The following RBM34 variants were observed in gnomAD, a reference collection of about 807,000 sequenced individuals.
RBM34 encodes RNA binding motif protein 34.
Under a neutral mutation model 44.6 loss-of-function variants are expected in RBM34, and 39 were observed. The observed-to-expected ratio is 0.87, with a 90% CI of 0.68 to 1.14. The LOEUF is 1.14. Among genes scored for constraint, RBM34 ranks in the 50% most tolerant of loss-of-function variants. The pLI, the probability that RBM34 is intolerant of heterozygous loss-of-function variation, is 0.00. For synonymous variants in RBM34, 194 were observed against 184.0 expected (o/e 1.05, Z -0.44); for missense variants, 572 against 517.9 (o/e 1.10, Z -1.01).
intron 3 of RBM34, among the ~76,000 whole-genome samples, chr1:235,157,302 G>C (rs1185285181): frequency 6.6e-6 from 1 of 152,132 alleles, no homozygotes; most frequent in Non-Finnish European, 1.5e-5. Context: ...AGGAGGTGAA[G>C]ACGAAAAGGC....
chr1:235,152,682 A>C (rs1662213792), intron 5 of RBM34, 24 bp downstream of exon 5: 2 of 1,595,182 alleles, frequency 1.3e-6, no homozygotes, highest in Non-Finnish European at 1.7e-6. Context: ...ATATTATGTA[A>C]TTTTACGGGG....
At chr1:235,133,743 C>G (rs1661303915) in intron 10 of RBM34, among the ~76,000 whole-genome samples, 1 of 152,140 alleles carries the variant, frequency 6.6e-6, no homozygotes, top group Non-Finnish European at 1.5e-5. Flanking sequence ...TAACAATATA[C>G]ATTCATGCAA....
chr1:235,138,189 A>G lies in RBM34; in HGVS notation c.702-15T>C. On this transcript the variant is annotated splice_polypyrimidine_tract_variant and intron_variant, in intron 6 of 10. Transcript: ENST00000408888. ...GAATTTTACGTCTACACCAAAAAAA[A>G]AAAAAGAAAGAAAGAAAAGAGAGAC... 6.4e-7 allele frequency: 1 copy of G among 1,557,350 alleles called. No homozygotes were observed. Among genetic ancestry groups the G allele is most frequent in the Non-Finnish European group, 8.7e-7 (1 of 1,153,460 alleles).
chr1:235,155,866 T>TATATATATAC (rs1484124143), intron 3 of RBM34, among the ~76,000 whole-genome samples: 10 of 34,294 alleles, frequency 2.9e-4, no homozygotes, highest in African/African-American at 8.1e-4. Flanking sequence ...TATATATATA[T>TATATATATAC]ACATATATAC....
chr1:235,135,833 G>T, intron 9 of RBM34, 63 bp from the exon 10 acceptor site: 1 of 1,422,158 alleles, frequency 7.0e-7, no homozygotes, highest in Non-Finnish European at 9.9e-7. Flanking sequence ...ACATGGAGTT[G>T]TTTAATAATA....
intron 6 of RBM34, among the ~76,000 whole-genome samples, chr1:235,145,835 C>T (rs1327937237): frequency 6.6e-6 from 1 of 152,074 alleles, no homozygotes; most frequent in Non-Finnish European, 1.5e-5. Context: ...GCTCAGGCTA[C>T]AGTGCAGTGG....
chr1:235,140,043 G>C (rs1661608075), intron 6 of RBM34, among the ~76,000 whole-genome samples: 1 of 152,254 alleles, frequency 6.6e-6, no homozygotes, highest in Admixed American at 6.5e-5. Flanking sequence ...GGGTGCTGCA[G>C]GCCTGGAGGA....
chr1:235,158,380 C>T (rs1441104946), intron 3 of RBM34, among the ~76,000 whole-genome samples: 2 of 150,928 alleles, frequency 1.3e-5, no homozygotes, highest in Admixed American at 6.6e-5. Flanking sequence ...TGCACTGTTG[C>T]TCTCCAGCCT....
chr1:235,154,185 G>A (rs994965913), intron 4 of RBM34, among the ~76,000 whole-genome samples: 11 of 151,660 alleles, frequency 7.3e-5, no homozygotes, highest in Non-Finnish European at 1.5e-4. Flanking sequence ...GGCGGAGCTT[G>A]CAGTGAACAG....
intron 4 of RBM34, among the ~76,000 whole-genome samples, chr1:235,154,267 G>C (rs1260999645): frequency 2.0e-5 from 3 of 150,386 alleles, no homozygotes; most frequent in African/African-American, 4.9e-5. Context: ...AAGAGAGAGA[G>C]AGACAGAATG....
At chr1:235,152,848 CTGA>C in intron 4 of RBM34, 83 bp from the exon 5 acceptor site, 1 of 1,168,644 alleles carries the variant, frequency 8.6e-7, no homozygotes, top group Non-Finnish European at 1.2e-6. Context: ...GAAAAATTGT[CTGA>C]TAATCCTCTA....
chr1:235,157,170 C>A (rs964687542), intron 3 of RBM34, among the ~76,000 whole-genome samples: 2 of 152,134 alleles, frequency 1.3e-5, no homozygotes, highest in African/African-American at 4.8e-5. Flanking sequence ...TAAAAAAGAT[C>A]ATCTGGGCAG....
At chr1:235,150,966 T>C (rs555666944) in intron 5 of RBM34, among the ~76,000 whole-genome samples, 1 of 152,086 alleles carries the variant, frequency 6.6e-6, no homozygotes, top group East Asian at 1.9e-4. Flanking sequence ...GGCGTTTCAT[T>C]AATGCAAGGC....
Position 235,155,834 on chromosome 1 carries a change from T to TACATATATATATATAC in RBM34, c.366-723_366-722insGTATATATATATATGT, listed in dbSNP as rs1315481609. Among the ~76,000 whole-genome samples the TACATATATATATATAC allele has an allele frequency of 1.6e-3, 34 of 21,028 alleles. 1 individual carries two copies. Among genetic ancestry groups the TACATATATATATATAC allele is most frequent in the African/African-American group, 7.9e-3 (29 of 3,670 alleles). 13.8% of individuals were successfully genotyped at this position (21,028 alleles called of 152,430 possible). A position where few individuals can be genotyped will look rare whatever the true frequency, so the allele number is the denominator to read the frequency against. Reference sequence around the variant, plus strand: ...ATACATACATATACATATATATATATATATATATATATATATATATATATA... The same window carrying TACATATATATATATAC: ...ATACATACATATACATATATATATATACATATATATATATACATATATATATATATATATATATATA... On this transcript the variant is annotated intron_variant, in intron 3 of 10. Transcript: ENST00000408888.
At chr1:235,160,331 C>A (rs1044014492) in intron 3 of RBM34, 180 bp downstream of exon 3, 2 of 779,344 alleles carry the variant, frequency 2.6e-6, no homozygotes, top group African/African-American at 3.4e-5. Flanking sequence ...TTAGTAATTG[C>A]TGATGCTGAG....
intron 3 of RBM34, among the ~76,000 whole-genome samples, chr1:235,158,419 A>G (rs907202794): frequency 1.4e-4 from 21 of 151,840 alleles, no homozygotes; most frequent in Admixed American, 6.6e-4. Flanking sequence ...GCCATCTCAA[A>G]ACAAAAAAAA....
intron 5 of RBM34, chr1:235,152,484 T>C: frequency 7.9e-7 from 1 of 1,262,938 alleles, no homozygotes; most frequent in East Asian, 3.5e-5. Flanking sequence ...TTGCAGGCTT[T>C]CATAGCAAGA....
Position 235,136,034 on chromosome 1 carries a change from T to C in RBM34, c.889A>G (p.Lys297Glu). 1.3e-6 allele frequency: 2 copies of C among 1,583,530 alleles called. No individual in the cohort carries two copies. Among genetic ancestry groups the C allele is most frequent in the South Asian group, 1.1e-5 (1 of 89,364 alleles). ...CTGTACTTTGTTTAAACAAACTTAC[T>C]ATAAGGGAGATTCCCCACAAAAACC... The part of the protein sequence containing the change: ...RSVFVGNLPY[K>E]VEESAIEKHF... The change falls in exon 9 of 11, where the codon AAA becomes GAA. Residue 297 changes from lysine to glutamate, a missense_variant and splice_region_variant. Lys to Glu is a moderately conservative substitution (Grantham distance 56, BLOSUM62 1). Transcript: ENST00000408888.
intron 3 of RBM34, chr1:235,160,279 G>A (rs1056096780): frequency 9.0e-6 from 6 of 666,464 alleles, no homozygotes; most frequent in African/African-American, 3.5e-5. Flanking sequence ...ATAATGAGGG[G>A]GTATATGAGT....
Sources: gnomAD v4.1 joint callset for allele counts (sites outside exome capture counted in the v4.1 genomes callset) on GRCh38, gnomAD v4.1.1 for gene constraint, MANE v1.5 for transcripts, NCBI Gene and HGNC (gene_info 2026-07-23, HGNC 2026-07-21) for gene names.